EYA1: variants seen among roughly 807,000 people sequenced by gnomAD.
EYA1 encodes protein phosphatase EYA1.
A neutral mutation model predicts 82.0 loss-of-function variants in EYA1; 16 were observed. That is an observed-to-expected ratio of 0.20 (90% CI 0.13 to 0.30). The LOEUF is 0.30. Among genes scored for constraint, EYA1 ranks in the 10% least tolerant of loss-of-function variants. The pLI is 1.00. For synonymous variants in EYA1, 261 were observed against 264.4 expected (o/e 0.99, Z 0.12); for missense variants, 633 against 730.7 (o/e 0.87, Z 1.54).
At chr8:71,261,004 G>T (rs1240645743) in intron 11 of EYA1, among the ~76,000 whole-genome samples, 3 of 152,078 alleles carry the variant, frequency 2.0e-5, no homozygotes, top group Admixed American at 2.0e-4. Flanking sequence ...TGTTTTGGGG[G>T]AAAATAAGCT....
At chr8:71,240,190 C>G (rs755136779) in intron 12 of EYA1, among the ~76,000 whole-genome samples, 2 of 151,978 alleles carry the variant, frequency 1.3e-5, no homozygotes, top group Non-Finnish European at 2.9e-5. Context: ...TACCTAAAGA[C>G]CATCCACAAG....
intron 2 of EYA1, among the ~76,000 whole-genome samples, chr8:71,460,129 C>T (rs543012353): frequency 1.3e-5 from 2 of 152,296 alleles, no homozygotes; most frequent in African/African-American, 4.8e-5. Context: ...TCACATTCTC[C>T]AGGTGTTCAA....
chr8:71,266,506 T>A (rs557651473), intron 11 of EYA1, among the ~76,000 whole-genome samples: 1 of 152,294 alleles, frequency 6.6e-6, no homozygotes, highest in East Asian at 1.9e-4. Flanking sequence ...CCAGCTACAA[T>A]TCAACATCCT....
In EYA1 at chr8:71,341,703, CA is replaced by C. The variant is rs138917874; in HGVS notation, c.125-7530del. 3.9e-5 allele frequency among the ~76,000 whole-genome samples: 6 copies of C among 152,156 alleles called. No individual in the cohort carries two copies. The East Asian group carries it at 9.7e-4, about 25-fold the overall frequency. On this transcript the variant is annotated intron_variant, in intron 3 of 17. Transcript: ENST00000340726. The stretch of plus-strand genomic sequence containing the variant: ...ATATAGCATATGATCATTATCTCTC[CA>C]AAAAGTAAAGTTAAGGTCATCTTCT...
intron 7 of EYA1, among the ~76,000 whole-genome samples, chr8:71,314,273 T>C (rs1423916841): frequency 6.6e-6 from 1 of 152,150 alleles, no homozygotes. Flanking sequence ...CACAAAATCA[T>C]TGAATAATGA....
rs1339777193 is a variant in EYA1, at chr8:71,517,726, T to TATATAA, written c.33+18017_33+18018insTTATAT. 4.7e-3 allele frequency among the ~76,000 whole-genome samples: 699 copies of TATATAA among 147,968 alleles called. 6 individuals are homozygous for TATATAA. Among genetic ancestry groups the TATATAA allele is most frequent in the African/African-American group, 0.016 (640 of 40,706 alleles). On this transcript the variant is annotated intron_variant, in intron 2 of 18. Coordinates refer to the EYA1 transcript ENST00000643681. Reference sequence around the variant, plus strand: ...AACATACTATATATATATATATATATAACTGTATACATATATATAACTGTA... The same window carrying TATATAA: ...AACATACTATATATATATATATATATATATAAAACTGTATACATATATATAACTGTA...
intron 2 of EYA1, chr8:71,530,778 T>C (rs981431067): frequency 6.6e-5 from 10 of 152,326 alleles, no homozygotes; most frequent in African/African-American, 2.4e-4. Flanking sequence ...CATGTTTTAT[T>C]TAATAGTTTT....
chr8:71,277,115 A>ATGCTTTTTTTTTTTTTTTTTTT (rs1563383057), intron 9 of EYA1, among the ~76,000 whole-genome samples: 2 of 76,938 alleles, frequency 2.6e-5, no homozygotes, highest in Admixed American at 1.8e-4. Flanking sequence ...GGCTTCACAC[A>ATGCTTTTTTTTTTTTTTTTTTT]TTTTTTTTTT....
At chr8:71,506,580 T>C (rs1394146869) in intron 2 of EYA1, among the ~76,000 whole-genome samples, 2 of 152,152 alleles carry the variant, frequency 1.3e-5, no homozygotes, top group Admixed American at 6.5e-5. Flanking sequence ...GCACTCTGAG[T>C]GTAAAAAGGG....
chr8:71,542,559 A>G (rs1313811828), intron 1 of EYA1, among the ~76,000 whole-genome samples: 1 of 152,210 alleles, frequency 6.6e-6, no homozygotes, highest in African/African-American at 2.4e-5. Flanking sequence ...AACGATTTAC[A>G]TTCTCTTGGG....
intron 4 of EYA1, among the ~76,000 whole-genome samples, chr8:71,331,916 T>C (rs2129044793): frequency 6.6e-6 from 1 of 152,292 alleles, no homozygotes; most frequent in South Asian, 2.1e-4. Context: ...GGTGCAATCA[T>C]AGCTCACTGC....
chr8:71,228,966 G>A (rs746347829), intron 12 of EYA1, among the ~76,000 whole-genome samples: 1 of 152,174 alleles, frequency 6.6e-6, no homozygotes, highest in African/African-American at 2.4e-5. Context: ...CCAACAAAGA[G>A]CAAAAGCATC....
In EYA1 at chr8:71,361,780, G is replaced by A. The variant is rs1045608759; in HGVS notation, c.-188C>T. On this transcript the variant is annotated 5_prime_UTR_variant, in exon 1 of 18. Coordinates refer to ENST00000340726, the MANE Select transcript of EYA1 (RefSeq NM_000503.6). ...GGCTCTCAGGCGCTCTGGTGCAGCC[G>A]CGGCGCTTCTGGGAGTGGAGCGCCT... The A allele has an allele frequency of 4.4e-5, 43 of 985,482 alleles. No homozygotes were observed. The highest frequency in any genetic ancestry group is 7.0e-5 in the African/African-American group (4 of 57,372). The allele number at this position is 985,482 out of a possible 1,614,324, so 61.0% of individuals were successfully genotyped here.
intron 2 of EYA1, among the ~76,000 whole-genome samples, chr8:71,526,242 GTA>G (rs1233965039): frequency 6.7e-6 from 1 of 149,884 alleles, no homozygotes; most frequent in African/African-American, 2.4e-5. Flanking sequence ...ATATTAATAT[GTA>G]TATATGTTAC....
intron 1 of EYA1, among the ~76,000 whole-genome samples, chr8:71,538,396 G>A (rs1184088903): frequency 1.3e-5 from 2 of 152,242 alleles, no homozygotes; most frequent in Admixed American, 6.5e-5. Context: ...ATGAATGAAT[G>A]TTGTTGATAC....
chr8:71,534,198 G>A (rs750180548), intron 2 of EYA1, among the ~76,000 whole-genome samples: 14 of 152,200 alleles, frequency 9.2e-5, no homozygotes, highest in Non-Finnish European at 2.1e-4. Context: ...AAAGGTGGCA[G>A]TAAGAAGTTA....
intron 1 of EYA1, among the ~76,000 whole-genome samples, chr8:71,537,786 A>G (rs1327687113): frequency 1.3e-5 from 2 of 152,158 alleles, no homozygotes; most frequent in East Asian, 1.9e-4. Context: ...CCATATTTCC[A>G]TATTGAACTT....
chr8:71,254,157 T>G (rs114098172), intron 11 of EYA1, among the ~76,000 whole-genome samples: 1 of 146,982 alleles, frequency 6.8e-6, no homozygotes, highest in Admixed American at 7.1e-5. Flanking sequence ...AATGGACTGC[T>G]GAAGGAGCTT....
intron 11 of EYA1, among the ~76,000 whole-genome samples, chr8:71,268,367 C>G (rs964367785): frequency 3.9e-5 from 6 of 152,148 alleles, no homozygotes; most frequent in Non-Finnish European, 7.3e-5. Context: ...AAGGTTCTGC[C>G]TACTAACTAC....
Sources: allele counts gnomAD v4.1 joint callset (sites outside exome capture counted in the v4.1 genomes callset), GRCh38; gene constraint gnomAD v4.1.1; transcripts MANE v1.5; gene names NCBI Gene and HGNC (gene_info 2026-07-23, HGNC 2026-07-21).